HSF5: variants seen among roughly 807,000 people sequenced by gnomAD.
HSF5 encodes heat shock transcription factor 5.
Under a neutral mutation model 50.8 loss-of-function variants are expected in HSF5, and 5 were observed. The ratio of observed to expected loss-of-function variants is 0.10; its 90% CI spans 0.05 to 0.21. The LOEUF is 0.21. Among genes scored for constraint, HSF5 ranks in the 10% least tolerant of loss-of-function variants. The pLI is 1.00. For synonymous variants in HSF5, 307 were observed against 307.4 expected (o/e 1.00, Z 0.02); for missense variants, 564 against 762.6 (o/e 0.74, Z 3.07).
intron 5 of HSF5, among the ~76,000 whole-genome samples, chr17:58,439,171 G>A (rs1460945747): frequency 6.6e-6 from 1 of 151,382 alleles, no homozygotes; most frequent in Non-Finnish European, 1.5e-5. Flanking sequence ...GGTACATGCT[G>A]ATTAACATTA....
intron 2 of HSF5, among the ~76,000 whole-genome samples, chr17:58,472,470 T>C (rs915783697): frequency 6.6e-5 from 10 of 152,136 alleles, no homozygotes; most frequent in South Asian, 2.1e-4. Context: ...TGAGACCTTG[T>C]CTCTTAAAAA....
intron 1 of HSF5, among the ~76,000 whole-genome samples, chr17:58,486,156 G>C (rs1049058012): frequency 1.3e-5 from 2 of 151,294 alleles, no homozygotes; most frequent in Non-Finnish European, 2.9e-5. Flanking sequence ...CTGAGGTCAG[G>C]AGTTCGAGAC....
At chr17:58,431,244 C>T (rs867024261) in intron 5 of HSF5, among the ~76,000 whole-genome samples, 64 of 152,264 alleles carry the variant, frequency 4.2e-4, no homozygotes, top group Admixed American at 3.3e-4. Context: ...TCGGGTATGT[C>T]TTTATCAGCA....
At chr17:58,436,624 G>C (rs1171431378) in intron 5 of HSF5, among the ~76,000 whole-genome samples, 1 of 152,126 alleles carries the variant, frequency 6.6e-6, no homozygotes, top group Non-Finnish European at 1.5e-5. Context: ...AACATGTAGT[G>C]AAAGAGAGGA....
intron 5 of HSF5, among the ~76,000 whole-genome samples, chr17:58,453,001 C>T (rs1367985323): frequency 6.6e-6 from 1 of 152,100 alleles, no homozygotes; most frequent in Non-Finnish European, 1.5e-5. Context: ...CACCACTGTA[C>T]TTCAGCCTGG....
At chr17:58,478,691 G>C (rs535622041) in intron 2 of HSF5, among the ~76,000 whole-genome samples, 17 of 151,378 alleles carry the variant, frequency 1.1e-4, no homozygotes, top group Admixed American at 9.9e-4. Context: ...GTGAAACCCT[G>C]TCTCTACTAA....
At chr17:58,434,588 G>T (rs1478109988) in intron 5 of HSF5, among the ~76,000 whole-genome samples, 1 of 151,928 alleles carries the variant, frequency 6.6e-6, no homozygotes, top group African/African-American at 2.4e-5. Context: ...AGGCACTGTG[G>T]CTCACTCTTA....
chr17:58,463,398 A>G lies in HSF5; in HGVS notation c.1021-95T>C, dbSNP rs116190036. On this transcript the variant is annotated intron_variant, in intron 3 of 5. Coordinates refer to ENST00000323777, the MANE Select transcript of HSF5 (RefSeq NM_001080439.3). Reference sequence around the variant, plus strand: ...ATTTAGGCTGATGAGTGCTAAACATAAATAGATTAAACTTAAAGATCACTA... The same window carrying G: ...ATTTAGGCTGATGAGTGCTAAACATGAATAGATTAAACTTAAAGATCACTA... 668 of 946,922 alleles carry G rather than the reference A, an allele frequency of 7.1e-4. 2 individuals carry two copies. In the African/African-American group the frequency reaches 1.0e-2, roughly 14 times the overall value. The allele number at this position is 946,922 out of a possible 1,614,324, so 58.7% of individuals were successfully genotyped here.
At position 58,421,170 on chromosome 17, in the gene HSF5, C is replaced by T. The variant is rs1235364881; in HGVS notation, c.*1190G>A. Reference sequence around the variant, plus strand: ...GAAACTGGACATCCAAGACATCCTTCTCTCCTAAAACACAGTCCCACAATC... The same window carrying T: ...GAAACTGGACATCCAAGACATCCTTTTCTCCTAAAACACAGTCCCACAATC... On this transcript the variant is annotated 3_prime_UTR_variant, in exon 6 of 6. Coordinates refer to ENST00000323777, the MANE Select transcript of HSF5 (RefSeq NM_001080439.3). The T allele has an allele frequency of 6.6e-6, 1 of 152,530 alleles. No homozygotes were observed. Among genetic ancestry groups the T allele is most frequent in the Admixed American group, 6.5e-5 (1 of 15,284 alleles). 9.4% of individuals were successfully genotyped at this position (152,530 alleles called of 1,614,324 possible).
chr17:58,477,746 C>T (rs1283033975), intron 2 of HSF5, among the ~76,000 whole-genome samples: 1 of 152,050 alleles, frequency 6.6e-6, no homozygotes, highest in Non-Finnish European at 1.5e-5. Flanking sequence ...AGGCATGAGC[C>T]ACCGTGCCCG....
intron 4 of HSF5, among the ~76,000 whole-genome samples, chr17:58,461,894 T>G (rs1974800260): frequency 6.6e-6 from 1 of 152,128 alleles, no homozygotes; most frequent in African/African-American, 2.4e-5. Context: ...CTTTTTAATT[T>G]GGATTTTTTT....
chr17:58,450,627 C>A (rs1361785165), intron 5 of HSF5, among the ~76,000 whole-genome samples: 1 of 150,610 alleles, frequency 6.6e-6, no homozygotes, highest in African/African-American at 2.4e-5. Context: ...GTGGTGCATG[C>A]CTGTAATCCC....
intron 5 of HSF5, among the ~76,000 whole-genome samples, chr17:58,437,180 C>G (rs1186636394): frequency 6.6e-6 from 1 of 151,846 alleles, no homozygotes; most frequent in African/African-American, 2.4e-5. Context: ...TCTGGAATTA[C>G]ATTTAAGCAG....
intron 5 of HSF5, among the ~76,000 whole-genome samples, chr17:58,451,173 A>G (rs1264984907): frequency 1.3e-5 from 2 of 152,224 alleles, no homozygotes; most frequent in Non-Finnish European, 2.9e-5. Flanking sequence ...CCAACACTGG[A>G]GCACCTAAAT....
intron 2 of HSF5, among the ~76,000 whole-genome samples, chr17:58,468,094 G>A (rs141706740): frequency 4.1e-4 from 62 of 152,216 alleles, no homozygotes; most frequent in African/African-American, 1.5e-3. Context: ...CAAAGCACAC[G>A]CTCTTTAATA....
At chr17:58,485,745 T>G (rs1458312044) in intron 1 of HSF5, among the ~76,000 whole-genome samples, 1 of 79,032 alleles carries the variant, frequency 1.3e-5, no homozygotes, top group South Asian at 4.4e-4. Flanking sequence ...AAACCCTATC[T>G]CAAAAAAAAA....
Position 58,462,999 on chromosome 17 carries a change from A to G in HSF5, c.1325T>C (p.Phe442Ser), listed in dbSNP as rs1259501099. 6.2e-7 allele frequency: 1 copy of G among 1,614,146 alleles called. No homozygotes were observed. The highest frequency in any genetic ancestry group is 2.2e-5 in the East Asian group (1 of 44,902). ...LTPVGSDIMS[F>S]VVGTEQAVAC... ...AACTGCTTGTTCTGTTCCAACCACA[A>G]AAGACATAATATCTGAGCCTACAGG... Residue 442 changes from phenylalanine (F) to serine (S), a missense_variant, in exon 4 of 6, where the codon TTT becomes TCT. Physicochemically the swap from Phe to Ser is radical, Grantham distance 155. Coordinates refer to ENST00000323777, the MANE Select transcript of HSF5 (RefSeq NM_001080439.3).
Position 58,443,227 on chromosome 17 carries a change from C to G in HSF5, c.1720+15541G>C, listed in dbSNP as rs187371383. Among the ~76,000 whole-genome samples the G allele has an allele frequency of 7.9e-5, 12 of 152,204 alleles. No homozygotes were observed. In the East Asian group the frequency reaches 2.3e-3, roughly 29 times the overall value. On this transcript the variant is annotated intron_variant, in intron 5 of 5. Transcript: ENST00000323777. ...GTTTCACCATATTGGCCAGGCTGGT[C>G]TCGAACTCCTGACCCTGTGATCCAC...
intron 5 of HSF5, among the ~76,000 whole-genome samples, chr17:58,457,952 G>A (rs933242115): frequency 1.3e-5 from 2 of 152,180 alleles, no homozygotes; most frequent in Non-Finnish European, 2.9e-5. Flanking sequence ...GCTACACCAT[G>A]ATCATATCAC....
Sources: allele counts gnomAD v4.1 joint callset (sites outside exome capture counted in the v4.1 genomes callset), GRCh38; gene constraint gnomAD v4.1.1; transcripts MANE v1.5; gene names NCBI Gene and HGNC (gene_info 2026-07-23, HGNC 2026-07-21).